Variants in OPCML observed in about 807,000 individuals in gnomAD.
The protein encoded by OPCML is opioid-binding protein/cell adhesion molecule.
Under a neutral mutation model 37.8 loss-of-function variants are expected in OPCML, and 13 were observed. The ratio of observed to expected loss-of-function variants is 0.34; its 90% CI spans 0.22 to 0.55. OPCML has a LOEUF of 0.55. Ranked by LOEUF, OPCML falls within the 20% of genes least tolerant of loss-of-function variation. The pLI, the probability that OPCML is intolerant of heterozygous loss-of-function variation, is 0.91. For missense variants in OPCML, 341 were observed against 435.6 expected (o/e 0.78, Z 1.93); for synonymous variants, 176 against 168.8 (o/e 1.04, Z -0.33).
chr11:132,796,590 T>A (rs1938327105), intron 2 of OPCML, among the ~76,000 whole-genome samples: 1 of 118,784 alleles, frequency 8.4e-6, no homozygotes, highest in Non-Finnish European at 1.8e-5. Flanking sequence ...TTTTTTTTTT[T>A]TGATACGGAG....
chr11:132,429,974 G>C (rs757309431), intron 7 of OPCML, among the ~76,000 whole-genome samples: 9 of 152,124 alleles, frequency 5.9e-5, no homozygotes, highest in Non-Finnish European at 1.3e-4. Flanking sequence ...TCACCACCCG[G>C]TTATATCACA....
At chr11:133,048,278 T>C (rs1372236739) in intron 1 of OPCML, among the ~76,000 whole-genome samples, 2 of 152,180 alleles carry the variant, frequency 1.3e-5, no homozygotes, top group African/African-American at 4.8e-5. Context: ...GAGAAGAAAC[T>C]GAGACACAGG....
At chr11:132,598,882 A>T (rs1312073673) in intron 3 of OPCML, among the ~76,000 whole-genome samples, 1 of 152,098 alleles carries the variant, frequency 6.6e-6, no homozygotes, top group East Asian at 1.9e-4. Flanking sequence ...TTTGGCTTTT[A>T]TGTGTGAGAT....
chr11:132,430,269 A>T (rs2095992103), intron 7 of OPCML, among the ~76,000 whole-genome samples: 1 of 151,908 alleles, frequency 6.6e-6, no homozygotes, highest in Non-Finnish European at 1.5e-5. Flanking sequence ...TAATACAGAC[A>T]TGGAACGAGA....
intron 2 of OPCML, among the ~76,000 whole-genome samples, chr11:132,723,207 G>A (rs976154208): frequency 5.3e-5 from 8 of 152,206 alleles, no homozygotes; most frequent in Admixed American, 4.6e-4. Context: ...AACAACCATA[G>A]CAGATTTAAG....
chr11:133,106,919 G>C (rs1189648974), intron 1 of OPCML, among the ~76,000 whole-genome samples: 1 of 152,174 alleles, frequency 6.6e-6, no homozygotes, highest in African/African-American at 2.4e-5. Flanking sequence ...CTGCACCAGA[G>C]GCAGAGACAG....
intron 1 of OPCML, among the ~76,000 whole-genome samples, chr11:133,013,658 C>T (rs1377330611): frequency 1.3e-5 from 2 of 152,178 alleles, no homozygotes; most frequent in Non-Finnish European, 2.9e-5. Context: ...CCTCATAACG[C>T]CACACTCAAC....
chr11:132,978,714 C>A (rs751517274), intron 1 of OPCML, among the ~76,000 whole-genome samples: 5 of 152,104 alleles, frequency 3.3e-5, no homozygotes, highest in Non-Finnish European at 5.9e-5. Context: ...CCTTGGAGAC[C>A]TCATCTACTC....
At chr11:132,916,137 G>A (rs994785774) in intron 2 of OPCML, among the ~76,000 whole-genome samples, 1 of 151,972 alleles carries the variant, frequency 6.6e-6, no homozygotes, top group Non-Finnish European at 1.5e-5. Context: ...ATTACTTTTT[G>A]ATTGTAGTAT....
chr11:132,435,011 C>T, intron 7 of OPCML: 1 of 399,682 alleles, frequency 2.5e-6, no homozygotes, highest in Non-Finnish European at 4.9e-6. Context: ...ATTATCTAAA[C>T]TGTGTAAACC....
intron 1 of OPCML, among the ~76,000 whole-genome samples, chr11:133,444,621 G>A (rs961079037): frequency 9.9e-5 from 15 of 152,064 alleles, no homozygotes; most frequent in African/African-American, 3.6e-4. Flanking sequence ...TATAAAAGTT[G>A]ATATTTATAC....
intron 2 of OPCML, among the ~76,000 whole-genome samples, chr11:132,844,620 A>T (rs955464442): frequency 2.6e-5 from 4 of 152,222 alleles, no homozygotes; most frequent in African/African-American, 9.6e-5. Context: ...GACCAGGGCT[A>T]AAAACATTTT....
intron 2 of OPCML, among the ~76,000 whole-genome samples, chr11:132,911,271 G>A (rs1394599886): frequency 6.6e-6 from 1 of 152,226 alleles, no homozygotes; most frequent in Non-Finnish European, 1.5e-5. Context: ...CCAGTCATTT[G>A]AGCAACAGAT....
intron 1 of OPCML, 123 bp downstream of exon 1, chr11:133,532,141 A>C: frequency 6.8e-7 from 1 of 1,463,238 alleles, no homozygotes; most frequent in Non-Finnish European, 9.2e-7. Flanking sequence ...TTTCACTCAC[A>C]TGCATCTCAC....
At chr11:132,743,461 A>T (rs1194737760) in intron 2 of OPCML, among the ~76,000 whole-genome samples, 1 of 152,228 alleles carries the variant, frequency 6.6e-6, no homozygotes, top group South Asian at 2.1e-4. Context: ...ACATCTGATT[A>T]GATCAGAGCA....
intron 2 of OPCML, among the ~76,000 whole-genome samples, chr11:132,781,959 T>TTC (rs1947041810): frequency 7.4e-6 from 1 of 135,540 alleles, no homozygotes; most frequent in Non-Finnish European, 1.6e-5. Context: ...TATATATTTT[T>TTC]TTTTTTTTTT....
chr11:132,580,164 T>A (rs1054000121), intron 3 of OPCML, among the ~76,000 whole-genome samples: 1 of 152,212 alleles, frequency 6.6e-6, no homozygotes, highest in South Asian at 2.1e-4. Flanking sequence ...TTTTCCCTTA[T>A]GTCTTTGTGC....
chr11:133,317,699 C>T (rs1943238749), intron 1 of OPCML, among the ~76,000 whole-genome samples: 1 of 152,206 alleles, frequency 6.6e-6, no homozygotes, highest in Non-Finnish European at 1.5e-5. Flanking sequence ...CCTCGCTCCA[C>T]CATGTAAACT....
rs1465954540 is a variant in OPCML, at chr11:132,688,878, A to G, written c.147-31559T>C. ...GGCAGGAGAATGGCGTGAACCCGGG[A>G]AGCGGAGCTTGCAGTGAGCCGAGAT... On this transcript the variant is annotated intron_variant, in intron 2 of 7. Coordinates refer to ENST00000524381, the MANE Select transcript of OPCML (RefSeq NM_001012393.5). 4.8e-5 allele frequency among the ~76,000 whole-genome samples: 2 copies of G among 41,324 alleles called. 1 individual carries two copies. Among genetic ancestry groups the G allele is most frequent in the Non-Finnish European group, 9.6e-5 (2 of 20,800 alleles). The allele number at this position is 41,324 out of a possible 152,430, so 27.1% of individuals were successfully genotyped here. A position where few individuals can be genotyped will look rare whatever the true frequency, so the allele number is the denominator to read the frequency against.
Sources: allele counts gnomAD v4.1 joint callset (sites outside exome capture counted in the v4.1 genomes callset), GRCh38; gene constraint gnomAD v4.1.1; transcripts MANE v1.5; gene names NCBI Gene and HGNC (gene_info 2026-07-23, HGNC 2026-07-21).